Variants in NOL4 observed in about 807,000 individuals in gnomAD.
The protein encoded by NOL4 is cancer/testis antigen 125.
A neutral mutation model predicts 75.9 loss-of-function variants in NOL4; 17 were observed. The observed-to-expected ratio is 0.22, with a 90% CI of 0.15 to 0.34. NOL4 has a LOEUF of 0.34. NOL4 is among the 10% of genes least tolerant of loss of function. NOL4 has a pLI of 1.00. For missense variants in NOL4, 614 were observed against 793.5 expected (o/e 0.77, Z 2.72); for synonymous variants, 292 against 289.9 (o/e 1.01, Z -0.07).
At chr18:34,168,570 T>C (rs1246863585) in intron 1 of NOL4, among the ~76,000 whole-genome samples, 1 of 151,114 alleles carries the variant, frequency 6.6e-6, no homozygotes, top group Non-Finnish European at 1.5e-5. Flanking sequence ...GGATAATTGA[T>C]ATTTATGTTA....
chr18:33,964,056 G>A (rs1435336669), intron 6 of NOL4, among the ~76,000 whole-genome samples: 2 of 152,188 alleles, frequency 1.3e-5, no homozygotes, highest in Admixed American at 1.3e-4. Context: ...GCATATCTAT[G>A]TCACAGCAGT....
chr18:34,154,388 T>C (rs909453092), intron 1 of NOL4, among the ~76,000 whole-genome samples: 3 of 151,974 alleles, frequency 2.0e-5, no homozygotes, highest in Non-Finnish European at 2.9e-5. Flanking sequence ...TGACTGTTTT[T>C]TAATCACTAA....
chr18:34,000,530 T>C (rs889635126), intron 6 of NOL4, among the ~76,000 whole-genome samples: 1 of 152,182 alleles, frequency 6.6e-6, no homozygotes, highest in African/African-American at 2.4e-5. Flanking sequence ...TCCATTAAAC[T>C]GGCAAAATTC....
chr18:34,086,096 ATATT>A (rs1430975667), intron 5 of NOL4, among the ~76,000 whole-genome samples: 2 of 152,182 alleles, frequency 1.3e-5, no homozygotes, highest in African/African-American at 4.8e-5. Context: ...TCAATTCAGA[ATATT>A]TAAACAAATT....
At chr18:33,868,233 G>T (rs1462290720) in intron 10 of NOL4, among the ~76,000 whole-genome samples, 2 of 150,496 alleles carry the variant, frequency 1.3e-5, no homozygotes, top group African/African-American at 4.9e-5. Context: ...TTTCAGAGAT[G>T]GGGATTTGCT....
At position 34,044,591 on chromosome 18, in the gene NOL4, ATAGAG is replaced by A. The variant is rs2144854637; in HGVS notation, c.773-24995_773-24991del. On this transcript the variant is annotated intron_variant, in intron 5 of 10. Transcript: ENST00000261592. ...ACCAATATTAAAGAGGAAACAACAT[ATAGAG>A]TAGTCCAATGAATGCTAAAGATGCT... Among the ~76,000 whole-genome samples, 3 of 148,772 alleles carry A rather than the reference ATAGAG, an allele frequency of 2.0e-5. No individual in the cohort carries two copies. The East Asian group carries it at 5.8e-4, about 29-fold the overall frequency.
Position 34,162,342 on chromosome 18 carries a change from A to C in NOL4, c.265-32322T>G, listed in dbSNP as rs182441367. On this transcript the variant is annotated intron_variant, in intron 1 of 10. Transcript: ENST00000261592. ...TCAACAAAATTGATAGACCGCTAGC[A>C]AGACTAATAAAGAAGAAAAGAGAGA... is the stretch of plus-strand genomic sequence containing the variant. Among the ~76,000 whole-genome samples, 538 of 152,274 alleles carry C rather than the reference A, an allele frequency of 3.5e-3. 2 individuals carry two copies. The highest frequency in any genetic ancestry group is 0.014 in the Middle Eastern group (4 of 294).
At chr18:34,207,361 A>G (rs2036195978) in intron 1 of NOL4, among the ~76,000 whole-genome samples, 2 of 152,218 alleles carry the variant, frequency 1.3e-5, no homozygotes, top group South Asian at 4.1e-4. Flanking sequence ...GCATGCAGTA[A>G]ATCCCATTAG....
At chr18:34,060,131 T>C (rs1568289229) in intron 5 of NOL4, among the ~76,000 whole-genome samples, 1 of 152,210 alleles carries the variant, frequency 6.6e-6, no homozygotes, top group Non-Finnish European at 1.5e-5. Context: ...TGGTTATTTT[T>C]AATTAGCAAT....
intron 9 of NOL4, among the ~76,000 whole-genome samples, chr18:33,927,940 C>A (rs1451155981): frequency 6.6e-6 from 1 of 152,038 alleles, no homozygotes; most frequent in African/African-American, 2.4e-5. Flanking sequence ...ATTATATTAT[C>A]TAACTCCATA....
At position 34,061,726 on chromosome 18, in the gene NOL4, T is replaced by C. The variant is rs1350774878; in HGVS notation, c.772+31739A>G. On this transcript the variant is annotated intron_variant, in intron 5 of 10. Coordinates refer to ENST00000261592, the MANE Select transcript of NOL4 (RefSeq NM_003787.5). ...CACGAATAAATGAAAGACAATAAAA[T>C]ATAGTCAGTTTATTATAATATTTAC... Among the ~76,000 whole-genome samples, 4 of 152,088 alleles carry C rather than the reference T, an allele frequency of 2.6e-5. No individual in the cohort carries two copies. The South Asian group carries it at 6.2e-4, about 24-fold the overall frequency.
At chr18:34,196,056 A>C (rs529503098) in intron 1 of NOL4, among the ~76,000 whole-genome samples, 4 of 152,168 alleles carry the variant, frequency 2.6e-5, no homozygotes, top group Non-Finnish European at 1.5e-5. Flanking sequence ...GACCAAAAAA[A>C]AAGATGATTA....
At chr18:33,988,918 CT>C (rs1023978147) in intron 6 of NOL4, among the ~76,000 whole-genome samples, 1 of 151,968 alleles carries the variant, frequency 6.6e-6, no homozygotes. Flanking sequence ...ATTGGCAAGA[CT>C]GGGCACAGTG....
chr18:34,084,214 G>T (rs117470019), intron 5 of NOL4, among the ~76,000 whole-genome samples: 1,964 of 152,220 alleles, frequency 0.013, 12 homozygotes, highest in Middle Eastern at 0.034. Context: ...TGCTGGGCTG[G>T]GTGGAATCCC....
chr18:34,189,194 G>A (rs975201170), intron 1 of NOL4, among the ~76,000 whole-genome samples: 7 of 152,112 alleles, frequency 4.6e-5, no homozygotes, highest in African/African-American at 1.7e-4. Context: ...GCACAAAAGT[G>A]GAAGTGCAAG....
At chr18:33,877,245 C>T in intron 10 of NOL4, among the ~76,000 whole-genome samples, 1 of 151,746 alleles carries the variant, frequency 6.6e-6, no homozygotes, top group East Asian at 1.9e-4. Context: ...AGCAGGAAGA[C>T]TGCATGAGCC....
intron 9 of NOL4, among the ~76,000 whole-genome samples, chr18:33,905,305 C>T (rs2065969585): frequency 6.6e-6 from 1 of 152,054 alleles, no homozygotes; most frequent in Admixed American, 6.6e-5. Flanking sequence ...GACCTGAACA[C>T]CAATTTGTTG....
chr18:33,969,837 A>G (rs918989977), intron 6 of NOL4, among the ~76,000 whole-genome samples: 3 of 151,710 alleles, frequency 2.0e-5, no homozygotes, highest in Non-Finnish European at 4.4e-5. Context: ...AAATCCTTTT[A>G]TCATAACCTG....
intron 10 of NOL4, among the ~76,000 whole-genome samples, chr18:33,873,935 G>A (rs955380377): frequency 6.6e-6 from 1 of 152,024 alleles, no homozygotes; most frequent in Non-Finnish European, 1.5e-5. Flanking sequence ...CATAATAGCT[G>A]ATATGAGTCA....
Sources: gnomAD v4.1 joint callset for allele counts (sites outside exome capture counted in the v4.1 genomes callset) on GRCh38, gnomAD v4.1.1 for gene constraint, MANE v1.5 for transcripts, NCBI Gene and HGNC (gene_info 2026-07-23, HGNC 2026-07-21) for gene names.